The following IMMP2L variants were observed in gnomAD, a reference collection of about 807,000 sequenced individuals.
IMMP2L encodes the protein mitochondrial inner membrane protease subunit 2.
IMMP2L carries 18 observed loss-of-function variants against 19.3 expected under a neutral mutation model. The ratio of observed to expected loss-of-function variants is 0.93; its 90% CI spans 0.64 to 1.38. IMMP2L has a LOEUF of 1.38. IMMP2L is among the 40% of genes most tolerant of loss of function. The probability of loss-of-function intolerance (pLI) is 0.00; values close to 1 mark genes in which losing one functional copy is unlikely to be tolerated. For synonymous variants in IMMP2L, 76 were observed against 73.0 expected (o/e 1.04, Z -0.21); for missense variants, 233 against 218.2 (o/e 1.07, Z -0.43).
At chr7:111,349,283 G>T (rs1454551905) in intron 3 of IMMP2L, among the ~76,000 whole-genome samples, 1 of 151,910 alleles carries the variant, frequency 6.6e-6, no homozygotes, top group Non-Finnish European at 1.5e-5. Context: ...CAAATATGAA[G>T]GAGCACCTAT....
intron 3 of IMMP2L, among the ~76,000 whole-genome samples, chr7:111,162,028 T>C (rs1211232289): frequency 6.6e-6 from 1 of 152,130 alleles, no homozygotes; most frequent in Non-Finnish European, 1.5e-5. Context: ...AACTGTTAGA[T>C]GGCTAATGTT....
At chr7:111,188,125 G>C (rs993242293) in intron 3 of IMMP2L, among the ~76,000 whole-genome samples, 2 of 152,052 alleles carry the variant, frequency 1.3e-5, no homozygotes, top group African/African-American at 4.8e-5. Context: ...TACCGCTCCT[G>C]CTCCCTCCAC....
intron 3 of IMMP2L, among the ~76,000 whole-genome samples, chr7:111,204,917 T>C (rs1049644991): frequency 1.3e-5 from 2 of 152,224 alleles, no homozygotes; most frequent in Non-Finnish European, 2.9e-5. Flanking sequence ...TTTTCATCAA[T>C]ATATCAAACT....
chr7:110,865,053 T>A (rs1807841275), intron 5 of IMMP2L, among the ~76,000 whole-genome samples: 1 of 152,212 alleles, frequency 6.6e-6, no homozygotes, highest in East Asian at 1.9e-4. Context: ...AATATTTAAC[T>A]ATTCTTACCC....
chr7:110,735,756 G>T (rs1170389978), intron 5 of IMMP2L, among the ~76,000 whole-genome samples: 1 of 130,446 alleles, frequency 7.7e-6, no homozygotes, highest in African/African-American at 2.9e-5. Flanking sequence ...TGTGCCTGTA[G>T]TCCCAGCTTG....
chr7:110,847,634 C>T (rs1805800929), intron 5 of IMMP2L, among the ~76,000 whole-genome samples: 1 of 152,044 alleles, frequency 6.6e-6, no homozygotes, highest in South Asian at 2.1e-4. Flanking sequence ...AGAAGAAGAA[C>T]ATCAGAGGAC....
intron 3 of IMMP2L, among the ~76,000 whole-genome samples, chr7:111,370,114 G>C (rs546370253): frequency 6.6e-6 from 1 of 152,132 alleles, no homozygotes; most frequent in South Asian, 2.1e-4. Flanking sequence ...TCAGATCTGA[G>C]TTTAAACCCC....
At chr7:111,063,686 AAAT>A (rs772300785) in intron 3 of IMMP2L, among the ~76,000 whole-genome samples, 7 of 147,862 alleles carry the variant, frequency 4.7e-5, no homozygotes, top group Non-Finnish European at 1.0e-4. Flanking sequence ...CAGATACCTT[AAAT>A]CATCTCTCTC....
chr7:111,519,654 T>C (rs1585482788), intron 2 of IMMP2L, among the ~76,000 whole-genome samples: 1 of 152,080 alleles, frequency 6.6e-6, no homozygotes, highest in Admixed American at 6.6e-5. Context: ...AAGACCTGTA[T>C]CTTATATTTT....
intron 3 of IMMP2L, among the ~76,000 whole-genome samples, chr7:111,029,963 A>G (rs2129568547): frequency 6.6e-6 from 1 of 152,318 alleles, no homozygotes. Context: ...AGTCACTTAA[A>G]TGAGACAGTG....
At chr7:110,817,074 C>G (rs1448078096) in intron 5 of IMMP2L, among the ~76,000 whole-genome samples, 2 of 152,032 alleles carry the variant, frequency 1.3e-5, no homozygotes, top group Non-Finnish European at 2.9e-5. Context: ...ATGGTCTTTA[C>G]ATTTTGGATT....
chr7:111,406,197 C>T (rs1400989385), intron 3 of IMMP2L, among the ~76,000 whole-genome samples: 1 of 152,122 alleles, frequency 6.6e-6, no homozygotes, highest in African/African-American at 2.4e-5. Context: ...TCTCAATACA[C>T]AATTTCCATT....
intron 3 of IMMP2L, among the ~76,000 whole-genome samples, chr7:111,204,874 A>C (rs1810533229): frequency 6.6e-6 from 1 of 152,310 alleles, no homozygotes; most frequent in South Asian, 2.1e-4. Context: ...TTGGGATGTA[A>C]AGTGTGACAA....
intron 5 of IMMP2L, among the ~76,000 whole-genome samples, chr7:110,756,450 A>T (rs537315797): frequency 9.7e-4 from 147 of 152,240 alleles, no homozygotes; most frequent in Middle Eastern, 3.4e-3. Context: ...TTTGAAGCCC[A>T]GATGGAAGAT....
intron 4 of IMMP2L, among the ~76,000 whole-genome samples, chr7:110,958,396 A>C (rs1160498053): frequency 6.6e-6 from 1 of 152,088 alleles, no homozygotes; most frequent in Non-Finnish European, 1.5e-5. Context: ...TCATTAAAGC[A>C]TTTTGAGTTT....
chr7:111,476,503 T>C (rs542294037), intron 3 of IMMP2L, among the ~76,000 whole-genome samples: 1 of 152,154 alleles, frequency 6.6e-6, no homozygotes, highest in Non-Finnish European at 1.5e-5. Flanking sequence ...TTGTTTATTA[T>C]CTAACAGCTC....
At chr7:110,921,610 G>C (rs1440617446) in intron 4 of IMMP2L, among the ~76,000 whole-genome samples, 2 of 152,116 alleles carry the variant, frequency 1.3e-5, no homozygotes, top group African/African-American at 4.8e-5. Context: ...GGAGAGAAAT[G>C]CCTGAGATAA....
chr7:111,404,619 C>T (rs1833760600), intron 3 of IMMP2L, among the ~76,000 whole-genome samples: 1 of 152,088 alleles, frequency 6.6e-6, no homozygotes, highest in Admixed American at 6.5e-5. Context: ...ATAAACTATA[C>T]TTTTTATCCA....
At chr7:111,414,430 AT>A (rs1249113301) in intron 3 of IMMP2L, among the ~76,000 whole-genome samples, 3 of 151,942 alleles carry the variant, frequency 2.0e-5, no homozygotes, top group African/African-American at 7.3e-5. Flanking sequence ...AAAGCTACAT[AT>A]TGTATGATCC....
Sources: gnomAD v4.1 joint callset for allele counts (sites outside exome capture counted in the v4.1 genomes callset) on GRCh38, gnomAD v4.1.1 for gene constraint, MANE v1.5 for transcripts, NCBI Gene and HGNC (gene_info 2026-07-23, HGNC 2026-07-21) for gene names.